MARCHF6: variants seen among roughly 807,000 people sequenced by gnomAD.
MARCHF6 encodes the protein E3 ubiquitin-protein ligase MARCHF6.
A neutral mutation model predicts 133.7 loss-of-function variants in MARCHF6; 31 were observed. That is an observed-to-expected ratio of 0.23 (90% CI 0.17 to 0.31). The LOEUF (loss-of-function observed/expected upper bound fraction) is 0.31, where lower values mean the gene tolerates loss of function less well. MARCHF6 is among the 10% of genes least tolerant of loss of function. MARCHF6 has a pLI of 1.00. For missense variants in MARCHF6, 723 were observed against 1,121.6 expected (o/e 0.64, Z 5.08); for synonymous variants, 395 against 402.5 (o/e 0.98, Z 0.22).
At chr5:10,383,782 G>A (rs1042235113) in intron 4 of MARCHF6, among the ~76,000 whole-genome samples, 6 of 152,178 alleles carry the variant, frequency 3.9e-5, no homozygotes, top group African/African-American at 1.4e-4. Context: ...TTGTTAATCT[G>A]CAATAATTAA....
At chr5:10,362,226 C>T (rs753614931) in intron 1 of MARCHF6, among the ~76,000 whole-genome samples, 3 of 152,170 alleles carry the variant, frequency 2.0e-5, no homozygotes, top group African/African-American at 4.8e-5. Flanking sequence ...ATTGGAGATT[C>T]CATGTCTTTT....
chr5:10,413,516 T>A (rs1739344345), intron 19 of MARCHF6: 1 of 152,258 alleles, frequency 6.6e-6, no homozygotes, highest in African/African-American at 2.4e-5. Flanking sequence ...CTCTTCTCTG[T>A]GTGATCACTT....
chr5:10,364,207 T>G (rs1180272535), intron 1 of MARCHF6, among the ~76,000 whole-genome samples: 1 of 152,164 alleles, frequency 6.6e-6, no homozygotes. Context: ...TGTAAGGAGG[T>G]AGAGCAGTTG....
At chr5:10,380,764 T>C (rs961374672) in intron 3 of MARCHF6, among the ~76,000 whole-genome samples, 2 of 151,992 alleles carry the variant, frequency 1.3e-5, no homozygotes, top group Non-Finnish European at 2.9e-5. Flanking sequence ...CTGTCTCTAC[T>C]GAAAATACAA....
intron 5 of MARCHF6, among the ~76,000 whole-genome samples, chr5:10,389,250 AG>A (rs1737662902): frequency 6.6e-6 from 1 of 152,222 alleles, no homozygotes; most frequent in African/African-American, 2.4e-5. Flanking sequence ...AGAAAGGAAA[AG>A]GACAAAATGG....
At chr5:10,377,775 C>T (rs997428931) in intron 1 of MARCHF6, 23 bp from the exon 2 acceptor site, 1 of 1,528,936 alleles carries the variant, frequency 6.5e-7, no homozygotes. Context: ...AAAGGAAATT[C>T]AATTTTCCTT....
chr5:10,410,630 GTTC>G (rs1739173485), intron 18 of MARCHF6, among the ~76,000 whole-genome samples: 1 of 151,676 alleles, frequency 6.6e-6, no homozygotes, highest in Non-Finnish European at 1.5e-5. Flanking sequence ...TGGGAAATGG[GTTC>G]TTCTCAAATT....
chr5:10,406,470 A>G (rs996213585), intron 16 of MARCHF6, among the ~76,000 whole-genome samples: 1 of 151,524 alleles, frequency 6.6e-6, no homozygotes, highest in Non-Finnish European at 1.5e-5. Context: ...GCTCACTGCA[A>G]CCTTCACCTC....
At chr5:10,427,826 TG>T (rs1416066319) in intron 24 of MARCHF6, among the ~76,000 whole-genome samples, 2 of 152,048 alleles carry the variant, frequency 1.3e-5, no homozygotes, top group Non-Finnish European at 2.9e-5. Context: ...AGTAGCTACT[TG>T]GGAGGCTGAG....
chr5:10,409,861 G>A (rs1739118191), intron 17 of MARCHF6, among the ~76,000 whole-genome samples: 1 of 152,126 alleles, frequency 6.6e-6, no homozygotes, highest in Non-Finnish European at 1.5e-5. Context: ...GGTGTCAAAG[G>A]AAGGAGTGAC....
At chr5:10,433,468 C>T in intron 25 of MARCHF6, 126 bp from the exon 26 acceptor site, 2 of 689,232 alleles carry the variant, frequency 2.9e-6, no homozygotes, top group Middle Eastern at 2.6e-4. Flanking sequence ...GGTGTTCACT[C>T]GGGACTCCCT....
At chr5:10,413,230 G>GT (rs1043276820) in intron 19 of MARCHF6, 8 of 152,210 alleles carry the variant, frequency 5.3e-5, no homozygotes, top group Admixed American at 6.5e-5. Flanking sequence ...GTCAGCTCCC[G>GT]TTTTTCCCCC....
chr5:10,390,141 C>G (rs895787390), intron 5 of MARCHF6, among the ~76,000 whole-genome samples, 191 bp from the exon 6 acceptor site: 5 of 151,426 alleles, frequency 3.3e-5, no homozygotes, highest in African/African-American at 1.2e-4. Context: ...GGTTCTCTTG[C>G]AAGTAGAATT....
intron 25 of MARCHF6, among the ~76,000 whole-genome samples, chr5:10,433,351 C>T (rs1740462306): frequency 6.6e-6 from 1 of 152,228 alleles, no homozygotes; most frequent in African/African-American, 2.4e-5. Flanking sequence ...CCCTAAACCA[C>T]TGACTGAAGC....
In MARCHF6 at chr5:10,439,455, A is replaced by C. The variant is rs762500918; in HGVS notation, c.*5771A>C. On this transcript the variant is annotated 3_prime_UTR_variant, in exon 26 of 26. Coordinates refer to ENST00000274140, the MANE Select transcript of MARCHF6 (RefSeq NM_005885.4). Reference sequence around the variant, plus strand: ...AAATCGATAAATTGTACTTTATCAAAATTGAGAACTTCTCTTTGAAAGGTA... The same window carrying C: ...AAATCGATAAATTGTACTTTATCAACATTGAGAACTTCTCTTTGAAAGGTA... The C allele has an allele frequency of 4.6e-5, 7 of 152,236 alleles. No homozygotes were observed. Among genetic ancestry groups the C allele is most frequent in the Admixed American group, 2.0e-4 (3 of 15,282 alleles). 9.4% of individuals were successfully genotyped at this position (152,236 alleles called of 1,614,324 possible). A position where few individuals can be genotyped will look rare whatever the true frequency, so the allele number is the denominator to read the frequency against.
At chr5:10,393,881 T>A (rs1228109869) in intron 7 of MARCHF6, among the ~76,000 whole-genome samples, 3 of 152,192 alleles carry the variant, frequency 2.0e-5, no homozygotes, top group Non-Finnish European at 4.4e-5. Context: ...ATTACCTTAC[T>A]TTATATGTAT....
At chr5:10,366,555 G>A (rs568148793) in intron 1 of MARCHF6, among the ~76,000 whole-genome samples, 1 of 152,296 alleles carries the variant, frequency 6.6e-6, no homozygotes, top group South Asian at 2.1e-4. Context: ...ATGAGACTGA[G>A]TGAAGGGGGA....
rs1024407425 is a variant in MARCHF6, at chr5:10,438,933, C to G, written c.*5249C>G. Reference sequence around the variant, plus strand: ...TCATACGTAAACACTACGTAGAGGCCCCTTTTTGCCTCATTTTACATTGTT... The same window carrying G: ...TCATACGTAAACACTACGTAGAGGCGCCTTTTTGCCTCATTTTACATTGTT... On this transcript the variant is annotated 3_prime_UTR_variant, in exon 26 of 26. Coordinates refer to ENST00000274140, the MANE Select transcript of MARCHF6 (RefSeq NM_005885.4). 1.3e-5 allele frequency: 2 copies of G among 152,180 alleles called. No individual in the cohort carries two copies. The highest frequency in any genetic ancestry group is 2.9e-5 in the Non-Finnish European group (2 of 68,038). The allele number at this position is 152,180 out of a possible 1,614,324, so 9.4% of individuals were successfully genotyped here. A position where few individuals can be genotyped will look rare whatever the true frequency, so the allele number is the denominator to read the frequency against.
intron 25 of MARCHF6, among the ~76,000 whole-genome samples, chr5:10,432,333 C>T (rs934855499): frequency 1.3e-5 from 2 of 152,188 alleles, no homozygotes; most frequent in African/African-American, 2.4e-5. Context: ...AGGAAAGGGA[C>T]GAAGGAAAGC....
Sources: allele counts gnomAD v4.1 joint callset (sites outside exome capture counted in the v4.1 genomes callset), GRCh38; gene constraint gnomAD v4.1.1; transcripts MANE v1.5; gene names NCBI Gene and HGNC (gene_info 2026-07-23, HGNC 2026-07-21).